Variants in RBMS3 observed in about 807,000 individuals in gnomAD.
RBMS3 encodes RNA-binding motif, single-stranded-interacting protein 3.
A neutral mutation model predicts 66.8 loss-of-function variants in RBMS3; 27 were observed. The ratio of observed to expected loss-of-function variants is 0.40; its 90% CI spans 0.30 to 0.56. The LOEUF is 0.56. RBMS3 is among the 20% of genes least tolerant of loss of function. The pLI is 0.40. For missense variants in RBMS3, 513 were observed against 549.5 expected, an observed-to-expected ratio of 0.93 and a Z score of 0.66; for synonymous variants, 188 against 183.0, an observed-to-expected ratio of 1.03 and a Z score of -0.22.
chr3:29,924,887 A>G (rs2060892297), intron 10 of RBMS3: 1 of 152,158 alleles, frequency 6.6e-6, no homozygotes, highest in African/African-American at 2.4e-5. Context: ...GATTTAAAGG[A>G]ATTTGTGATG....
At chr3:29,685,705 A>G (rs1291587733) in intron 4 of RBMS3, among the ~76,000 whole-genome samples, 1 of 152,248 alleles carries the variant, frequency 6.6e-6, no homozygotes, top group Non-Finnish European at 1.5e-5. Flanking sequence ...ATAAATAAGC[A>G]GGAAAATGTA....
At chr3:29,857,693 C>T (rs61047668) in intron 6 of RBMS3, among the ~76,000 whole-genome samples, 19,729 of 151,502 alleles carry the variant, frequency 0.13, 1,317 homozygotes, top group African/African-American at 0.17. Context: ...TGTGTATTAC[C>T]CTCAGCCACT....
At chr3:29,357,241 T>C (rs1241295737) in intron 1 of RBMS3, among the ~76,000 whole-genome samples, 1 of 152,036 alleles carries the variant, frequency 6.6e-6, no homozygotes, top group Non-Finnish European at 1.5e-5. Flanking sequence ...ATGTTCCCCT[T>C]CCGGTGTTCA....
At chr3:29,900,111 G>A (rs551849623) in intron 10 of RBMS3, among the ~76,000 whole-genome samples, 38 of 151,626 alleles carry the variant, frequency 2.5e-4, no homozygotes, top group Non-Finnish European at 3.1e-4. Flanking sequence ...TCAGAACTCC[G>A]GACAATTAAA....
intron 4 of RBMS3, among the ~76,000 whole-genome samples, chr3:29,598,912 A>C (rs1216421212): frequency 6.6e-6 from 1 of 152,074 alleles, no homozygotes; most frequent in Non-Finnish European, 1.5e-5. Flanking sequence ...AAAATGAAGA[A>C]ACATTAAGCT....
At chr3:29,878,868 C>A (rs79489300) in intron 7 of RBMS3, among the ~76,000 whole-genome samples, 4 of 151,634 alleles carry the variant, frequency 2.6e-5, no homozygotes, top group African/African-American at 9.7e-5. Context: ...ACAGTGAGAC[C>A]CCATCTCTAC....
intron 1 of RBMS3, among the ~76,000 whole-genome samples, chr3:29,392,915 A>C (rs917664380): frequency 6.6e-6 from 1 of 150,964 alleles, no homozygotes; most frequent in African/African-American, 2.4e-5. Context: ...AAAAAAAAAC[A>C]AGAAAAAAAG....
intron 1 of RBMS3, among the ~76,000 whole-genome samples, chr3:29,398,561 T>C (rs925306034): frequency 6.6e-6 from 1 of 152,196 alleles, no homozygotes; most frequent in Non-Finnish European, 1.5e-5. Flanking sequence ...TGAAAACTCT[T>C]CTGAATTAGA....
intron 1 of RBMS3, among the ~76,000 whole-genome samples, chr3:29,369,486 T>TG (rs2038077701): frequency 1.4e-5 from 1 of 72,288 alleles, no homozygotes; most frequent in African/African-American, 5.7e-5. Context: ...CATCACTCCT[T>TG]AACACACACA....
chr3:29,751,556 C>T lies in RBMS3; in HGVS notation c.558-11354C>T, dbSNP rs568623270. Reference sequence around the variant, plus strand: ...TCCCAAGATTAATCTTCCACAAACCCTCTACAACGTGCTTAAAATGTTTTG... The same window carrying T: ...TCCCAAGATTAATCTTCCACAAACCTTCTACAACGTGCTTAAAATGTTTTG... On this transcript the variant is annotated intron_variant, in intron 5 of 14. Transcript: ENST00000383767. Among the ~76,000 whole-genome samples, 8 of 152,282 alleles carry T rather than the reference C, an allele frequency of 5.3e-5. No individual in the cohort carries two copies. The South Asian group carries it at 6.2e-4, about 12-fold the overall frequency.
intron 5 of RBMS3, among the ~76,000 whole-genome samples, chr3:29,746,364 T>C (rs569704762): frequency 1.3e-5 from 2 of 152,258 alleles, no homozygotes; most frequent in African/African-American, 2.4e-5. Context: ...AAGGCAAATC[T>C]CTAAAGTGTA....
intron 12 of RBMS3, among the ~76,000 whole-genome samples, chr3:29,985,789 A>T (rs1347704454): frequency 6.6e-6 from 1 of 152,096 alleles, no homozygotes; most frequent in Non-Finnish European, 1.5e-5. Context: ...AGCTGTTCCT[A>T]TTCATCCGTC....
intron 10 of RBMS3, among the ~76,000 whole-genome samples, chr3:29,915,008 A>G (rs979899535): frequency 6.6e-6 from 1 of 151,902 alleles, no homozygotes; most frequent in Non-Finnish European, 1.5e-5. Context: ...TGCCAAGCCT[A>G]TAAGAAAAAT....
intron 8 of RBMS3, among the ~76,000 whole-genome samples, chr3:29,890,354 T>C (rs1167874309): frequency 6.6e-6 from 1 of 151,626 alleles, no homozygotes; most frequent in South Asian, 2.1e-4. Context: ...CATAATAAAG[T>C]ATATTATTCC....
chr3:29,823,939 C>CA (rs2058137409), intron 6 of RBMS3, among the ~76,000 whole-genome samples: 1 of 152,116 alleles, frequency 6.6e-6, no homozygotes, highest in Non-Finnish European at 1.5e-5. Flanking sequence ...TTCCCTTCAG[C>CA]AACACATGAG....
chr3:29,747,423 TA>T, intron 5 of RBMS3, among the ~76,000 whole-genome samples: 1 of 151,544 alleles, frequency 6.6e-6, no homozygotes, highest in South Asian at 2.1e-4. Flanking sequence ...GATAGATAGA[TA>T]GATAGATAGA....
At chr3:29,413,445 G>A (rs2040362093) in intron 1 of RBMS3, among the ~76,000 whole-genome samples, 1 of 151,984 alleles carries the variant, frequency 6.6e-6, no homozygotes. Flanking sequence ...CAGCAGAAAA[G>A]CTAGGAGAAA....
intron 1 of RBMS3, among the ~76,000 whole-genome samples, chr3:29,425,954 G>A (rs1309147690): frequency 2.0e-5 from 3 of 152,124 alleles, no homozygotes; most frequent in Admixed American, 1.3e-4. Context: ...TTCCATTATG[G>A]TCACTTTCAG....
At chr3:29,452,764 G>T (rs566982462) in intron 2 of RBMS3, among the ~76,000 whole-genome samples, 47 of 152,234 alleles carry the variant, frequency 3.1e-4, no homozygotes, top group Non-Finnish European at 5.6e-4. Flanking sequence ...CAATAAAATG[G>T]AAAGAAACAT....
Sources: allele counts gnomAD v4.1 joint callset (sites outside exome capture counted in the v4.1 genomes callset), GRCh38; gene constraint gnomAD v4.1.1; transcripts MANE v1.5; gene names NCBI Gene and HGNC (gene_info 2026-07-23, HGNC 2026-07-21).